The following LRIG1 variants were observed in gnomAD, a reference collection of about 807,000 sequenced individuals.
LRIG1 encodes the protein leucine rich repeats and immunoglobulin like domains 1, also known as leucine-rich repeats and immunoglobulin-like domains protein 1.
LRIG1 carries 48 observed loss-of-function variants against 99.2 expected under a neutral mutation model. That is an observed-to-expected ratio of 0.48 (90% CI 0.38 to 0.62). LRIG1 has a LOEUF of 0.62. Ranked by LOEUF, LRIG1 falls within the 20% of genes least tolerant of loss-of-function variation. The pLI is 0.00. For synonymous variants in LRIG1, 772 were observed against 596.1 expected, an observed-to-expected ratio of 1.29 and a Z score of -4.30; for missense variants, 1,646 against 1,434.4, an observed-to-expected ratio of 1.15 and a Z score of -2.38.
Position 66,493,047 on chromosome 3 carries a change from G to A in LRIG1, c.218+7143C>T, listed in dbSNP as rs557318013. Among the ~76,000 whole-genome samples, 232 of 152,094 alleles carry A rather than the reference G, an allele frequency of 1.5e-3. 1 individual carries two copies. The highest frequency in any genetic ancestry group is 2.0e-3 in the Non-Finnish European group (138 of 68,012). The stretch of plus-strand genomic sequence containing the variant: ...CCAAAACAAATGAAAAATGTTCTTT[G>A]CATACAACTCCACAATTGTCTCCTG... On this transcript the variant is annotated intron_variant, in intron 1 of 18. Transcript: ENST00000273261.
intron 12 of LRIG1, among the ~76,000 whole-genome samples, chr3:66,391,464 G>A (rs1394220611): frequency 6.6e-6 from 1 of 152,172 alleles, no homozygotes; most frequent in Non-Finnish European, 1.5e-5. Context: ...TGAAAAACAG[G>A]AATGAAGTAC....
At chr3:66,465,924 C>G (rs1391736595) in intron 1 of LRIG1, among the ~76,000 whole-genome samples, 2 of 152,208 alleles carry the variant, frequency 1.3e-5, no homozygotes, top group African/African-American at 4.8e-5. Context: ...AATCTGACTA[C>G]TCTTAAGTAC....
In LRIG1 at chr3:66,437,549, T is replaced by A. The variant is rs540113958; in HGVS notation, c.365+14010A>T. ...ACCCCTCAGCAGGCCACTTCTACTA[T>A]AACGTGCCCAAGCCTGTCTCTCCAC... On this transcript the variant is annotated intron_variant, in intron 3 of 18. Coordinates refer to ENST00000273261, the MANE Select transcript of LRIG1 (RefSeq NM_015541.3). Among the ~76,000 whole-genome samples the A allele has an allele frequency of 3.3e-5, 5 of 152,246 alleles. No individual in the cohort carries two copies. The South Asian group carries it at 1.0e-3, about 32-fold the overall frequency.
Position 66,498,788 on chromosome 3 carries a change from T to A in LRIG1, c.218+1402A>T, listed in dbSNP as rs139839982. Among the ~76,000 whole-genome samples, 877 of 152,324 alleles carry A rather than the reference T, an allele frequency of 5.8e-3. 4 individuals carry two copies. The highest frequency in any genetic ancestry group is 0.02 in the African/African-American group (821 of 41,562). ...AAGGGTTCCTGGTTGTCTTCAGAAC[T>A]CTGTAGTACTTGTTCATGGAGCAGT... On this transcript the variant is annotated intron_variant, in intron 1 of 18. Transcript: ENST00000273261.
At chr3:66,427,305 A>G (rs933433869) in intron 3 of LRIG1, among the ~76,000 whole-genome samples, 4 of 152,250 alleles carry the variant, frequency 2.6e-5, no homozygotes, top group Non-Finnish European at 4.4e-5. Context: ...CTGAGGCTAC[A>G]GTGTATCTTA....
chr3:66,416,732 G>A (rs999287874), intron 4 of LRIG1, among the ~76,000 whole-genome samples: 1 of 152,194 alleles, frequency 6.6e-6, no homozygotes, highest in Non-Finnish European at 1.5e-5. Flanking sequence ...TGTTAGACAG[G>A]CTTCCAATGT....
At chr3:66,435,446 G>A (rs1703325201) in intron 3 of LRIG1, among the ~76,000 whole-genome samples, 1 of 152,132 alleles carries the variant, frequency 6.6e-6, no homozygotes, top group African/African-American at 2.4e-5. Context: ...AGGTGTGGTG[G>A]TGCATACCTG....
At chr3:66,433,287 T>C (rs1201899633) in intron 3 of LRIG1, among the ~76,000 whole-genome samples, 1 of 152,258 alleles carries the variant, frequency 6.6e-6, no homozygotes. Context: ...GACTCCAGGC[T>C]GTGCCGCTCT....
rs1433248027 is a variant in LRIG1, at chr3:66,379,673, T to TGGCTCTA, written c.*583_*589dup. On this transcript the variant is annotated 3_prime_UTR_variant, in exon 19 of 19. Coordinates refer to ENST00000273261, the MANE Select transcript of LRIG1 (RefSeq NM_015541.3). Reference sequence around the variant, plus strand: ...CAAGTGTGGATGGCACTTGCACCCCTGGCTCTACAGACAGGGAAGCCTGTT... The same window carrying TGGCTCTA: ...CAAGTGTGGATGGCACTTGCACCCCTGGCTCTAGGCTCTACAGACAGGGAAGCCTGTT... 1.3e-5 allele frequency: 2 copies of TGGCTCTA among 152,262 alleles called. No homozygotes were observed. Among genetic ancestry groups the TGGCTCTA allele is most frequent in the Admixed American group, 1.3e-4 (2 of 15,282 alleles). 9.4% of individuals were successfully genotyped at this position (152,262 alleles called of 1,614,324 possible). A position where few individuals can be genotyped will look rare whatever the true frequency, so the allele number is the denominator to read the frequency against.
At chr3:66,405,714 G>T in intron 8 of LRIG1, 1 of 1,104,734 alleles carries the variant, frequency 9.1e-7, no homozygotes, top group East Asian at 7.0e-5. Context: ...ATGGAAGAAA[G>T]AGACCCGGCA....
intron 1 of LRIG1, among the ~76,000 whole-genome samples, chr3:66,465,263 G>C (rs1470567991): frequency 6.6e-6 from 1 of 151,274 alleles, no homozygotes; most frequent in African/African-American, 2.4e-5. Flanking sequence ...AAGGAAAATA[G>C]TTACCACATT....
intron 17 of LRIG1, chr3:66,381,102 T>G: frequency 1.7e-6 from 1 of 591,750 alleles, no homozygotes; most frequent in Non-Finnish European, 3.0e-6. Context: ...GTAGTCTTAC[T>G]GCTTCACGGG....
chr3:66,483,854 C>G (rs1030116057), intron 1 of LRIG1, among the ~76,000 whole-genome samples: 10 of 152,232 alleles, frequency 6.6e-5, no homozygotes, highest in Non-Finnish European at 1.2e-4. Context: ...GCCTGGCCCA[C>G]CTGCCAAGGA....
At chr3:66,394,770 G>A (rs1701777592) in intron 11 of LRIG1, among the ~76,000 whole-genome samples, 1 of 152,078 alleles carries the variant, frequency 6.6e-6, no homozygotes, top group Non-Finnish European at 1.5e-5. Context: ...AAAGCTGCAT[G>A]TTTTCTTACT....
At chr3:66,470,369 A>G (rs1700569460) in intron 1 of LRIG1, among the ~76,000 whole-genome samples, 1 of 152,248 alleles carries the variant, frequency 6.6e-6, no homozygotes, top group African/African-American at 2.4e-5. Flanking sequence ...GCAAGATTTC[A>G]GCTAAGCCTA....
rs760875741 is a variant in LRIG1, at chr3:66,380,417, G to A, written c.3128C>T (p.Thr1043Ile). The A allele has an allele frequency of 1.2e-6, 2 of 1,614,210 alleles. No homozygotes were observed. The highest frequency in any genetic ancestry group is 1.1e-5 in the South Asian group (1 of 91,080). The change falls in exon 19 of 19, where the codon ACT becomes ATT. Residue 1043 changes from threonine to isoleucine, a missense_variant. Physicochemically the swap from Thr to Ile is moderately conservative, Grantham distance 89. Transcript: ENST00000273261. ...STELQPASSL[T>I]SGSPERAEAQ... is the part of the protein sequence containing the mutation. ...TTCCGCGCGCTCTGGACTGCCTGAA[G>A]TTAATGAAGATGCAGGCTGTAGCTC...
In LRIG1 at chr3:66,407,466, G is replaced by A. The variant is rs769741661; in HGVS notation, c.961C>T (p.Arg321Trp). ...TCGGCCAGGCTCTCCTCGTCCAGCC[G>A]TGTCAGGTTGTTGAAGGACAGGACC... ...ELVLSFNNLT[R>W]LDEESLAELS... Residue 321 changes from arginine to tryptophan, a missense_variant, in exon 8 of 19, where the codon CGG becomes TGG. Transcript: ENST00000273261. 79 of 1,613,922 alleles carry A rather than the reference G, an allele frequency of 4.9e-5. No individual in the cohort carries two copies. In the Admixed American group the frequency reaches 1.1e-3, roughly 22 times the overall value.
rs1199906333 is a variant in LRIG1, at chr3:66,399,003, C to G, written c.1199G>C (p.Arg400Thr). Reference protein sequence around the residue: ...FGNKIKSVAKRAFSGLEGLEH... With the variant: ...FGNKIKSVAKTAFSGLEGLEH... ...CAGGCCTTCCAGCCCCGAGAATGCTCTCTTAGCCACAGACTTGATCTTGTT... is the reference window on the plus strand; with the variant it reads ...CAGGCCTTCCAGCCCCGAGAATGCTGTCTTAGCCACAGACTTGATCTTGTT... Residue 400 changes from arginine (R) to threonine (T), a missense_variant, in exon 10 of 19, where the codon AGA becomes ACA. Physicochemically the swap from Arg to Thr is moderately conservative, Grantham distance 71. Coordinates refer to ENST00000273261, the MANE Select transcript of LRIG1 (RefSeq NM_015541.3). 3 of 1,614,204 alleles carry G rather than the reference C, an allele frequency of 1.9e-6. No homozygotes were observed. The highest frequency in any genetic ancestry group is 2.5e-6 in the Non-Finnish European group (3 of 1,180,034).
intron 3 of LRIG1, among the ~76,000 whole-genome samples, chr3:66,429,421 A>G (rs997082254): frequency 3.3e-5 from 5 of 152,264 alleles, no homozygotes; most frequent in Non-Finnish European, 5.9e-5. Context: ...CAAGAGCAGC[A>G]GCAAAACTCC....
Sources: gnomAD v4.1 joint callset for allele counts (sites outside exome capture counted in the v4.1 genomes callset) on GRCh38, gnomAD v4.1.1 for gene constraint, MANE v1.5 for transcripts, NCBI Gene and HGNC (gene_info 2026-07-23, HGNC 2026-07-21) for gene names.